DDAH1: variants seen among roughly 807,000 people sequenced by gnomAD.
DDAH1 encodes dimethylarginine dimethylaminohydrolase 1.
DDAH1 carries 19 observed loss-of-function variants against 28.8 expected under a neutral mutation model. The ratio of observed to expected loss-of-function variants is 0.66; its 90% CI spans 0.46 to 0.97. The LOEUF is 0.97. Ranked by LOEUF, DDAH1 falls within the 50% of genes least tolerant of loss-of-function variation. DDAH1 has a pLI of 0.00. For synonymous variants in DDAH1, 153 were observed against 154.4 expected, an observed-to-expected ratio of 0.99 and a Z score of 0.07; for missense variants, 326 against 375.9, an observed-to-expected ratio of 0.87 and a Z score of 1.10.
At chr1:85,454,774 G>A (rs1220932236) in intron 1 of DDAH1, among the ~76,000 whole-genome samples, 1 of 152,196 alleles carries the variant, frequency 6.6e-6, no homozygotes, top group Non-Finnish European at 1.5e-5. Flanking sequence ...CTAGTGGGTA[G>A]AGAGCAGCAA....
At chr1:85,335,011 G>A (rs1010446646) in intron 4 of DDAH1, among the ~76,000 whole-genome samples, 5 of 152,104 alleles carry the variant, frequency 3.3e-5, no homozygotes, top group Admixed American at 2.0e-4. Flanking sequence ...ATCACCAAGA[G>A]ACCAGCCCTC....
intron 2 of DDAH1, among the ~76,000 whole-genome samples, chr1:85,491,081 C>T (rs1037373003): frequency 1.9e-4 from 23 of 123,464 alleles, no homozygotes; most frequent in Non-Finnish European, 3.0e-4. Context: ...CAGTCTTGCT[C>T]TGTTGCCTAG....
At chr1:85,465,259 C>A, upstream of DDAH1, 1 of 1,067,052 alleles carries the variant, frequency 9.4e-7, no homozygotes, top group Non-Finnish European at 1.1e-6. Context: ...CGCGCCCACT[C>A]CGGCGCTCGC....
At chr1:85,574,103 T>A (rs1181408990) in intron 1 of DDAH1, among the ~76,000 whole-genome samples, 1 of 152,234 alleles carries the variant, frequency 6.6e-6, no homozygotes, top group East Asian at 1.9e-4. Flanking sequence ...CTTTTTAAAA[T>A]GAGAAAATAT....
At chr1:85,471,932 A>G (rs1272974128) in intron 2 of DDAH1, among the ~76,000 whole-genome samples, 1 of 152,156 alleles carries the variant, frequency 6.6e-6, no homozygotes, top group Admixed American at 6.5e-5. Context: ...AGGCCTCAGA[A>G]GCAGCCTCAG....
chr1:85,401,032 G>A (rs571865023), intron 1 of DDAH1, among the ~76,000 whole-genome samples: 2 of 152,278 alleles, frequency 1.3e-5, no homozygotes, highest in South Asian at 4.1e-4. Context: ...GACATTGTAG[G>A]CAAATGTCCA....
At chr1:85,339,046 C>CAAAAA (rs67167548) in intron 4 of DDAH1, among the ~76,000 whole-genome samples, 2 of 138,500 alleles carry the variant, frequency 1.4e-5, no homozygotes, top group African/African-American at 5.6e-5. Context: ...GACTCCGTCT[C>CAAAAA]AAAAAAAAAA....
chr1:85,550,259 G>A (rs1245161895), intron 1 of DDAH1, among the ~76,000 whole-genome samples: 1 of 152,134 alleles, frequency 6.6e-6, no homozygotes, highest in Non-Finnish European at 1.5e-5. Context: ...TCTTTGCTGA[G>A]ACTCTTCTAA....
At chr1:85,326,888 TA>T (rs769516926) in intron 4 of DDAH1, among the ~76,000 whole-genome samples, 17 of 152,198 alleles carry the variant, frequency 1.1e-4, no homozygotes, top group Non-Finnish European at 2.1e-4. Context: ...AAGACACTCC[TA>T]AAGATTAACT....
chr1:85,332,919 C>T (rs1168921083), intron 4 of DDAH1, among the ~76,000 whole-genome samples: 3 of 152,292 alleles, frequency 2.0e-5, no homozygotes, highest in African/African-American at 2.4e-5. Flanking sequence ...TTGCAGCCAC[C>T]GCTAATATCA....
At chr1:85,454,237 T>C (rs1346506079) in intron 1 of DDAH1, among the ~76,000 whole-genome samples, 2 of 152,182 alleles carry the variant, frequency 1.3e-5, no homozygotes, top group Non-Finnish European at 2.9e-5. Context: ...GAAGGAAAGG[T>C]AGAATCAGCT....
intron 1 of DDAH1, among the ~76,000 whole-genome samples, chr1:85,410,501 T>C (rs1322469954): frequency 6.6e-6 from 1 of 151,958 alleles, no homozygotes; most frequent in Non-Finnish European, 1.5e-5. Flanking sequence ...TAGCTGGGCA[T>C]GGTGGCACAT....
intron 1 of DDAH1, among the ~76,000 whole-genome samples, chr1:85,532,047 A>G (rs1189925132): frequency 5.3e-5 from 8 of 151,540 alleles, no homozygotes; most frequent in African/African-American, 1.9e-4. Context: ...ATTTTGGAGA[A>G]TGCAATTTGG....
At chr1:85,339,364 T>C (rs1004075337) in intron 4 of DDAH1, among the ~76,000 whole-genome samples, 3 of 152,208 alleles carry the variant, frequency 2.0e-5, no homozygotes, top group African/African-American at 7.2e-5. Flanking sequence ...TGTTGTAATC[T>C]ATCTCCAAAG....
Position 85,465,129 on chromosome 1 carries a change from C to T in DDAH1, c.-84G>A, listed in dbSNP as rs1655316188. On this transcript the variant is annotated 5_prime_UTR_variant, in exon 1 of 6. Coordinates refer to ENST00000284031, the MANE Select transcript of DDAH1 (RefSeq NM_012137.4). ...CAGCGCGCGCTGAGCCTGCGAGCGC[C>T]CGTCGGCTCCTCTTGGCAGCCGCTG... 8.5e-7 allele frequency: 1 copy of T among 1,171,706 alleles called. No homozygotes were observed. The highest frequency in any genetic ancestry group is 1.1e-6 in the Non-Finnish European group (1 of 950,166). 72.6% of individuals were successfully genotyped at this position (1,171,706 alleles called of 1,614,324 possible).
At chr1:85,330,653 G>C (rs1484736527) in intron 4 of DDAH1, among the ~76,000 whole-genome samples, 1 of 152,192 alleles carries the variant, frequency 6.6e-6, no homozygotes, top group African/African-American at 2.4e-5. Flanking sequence ...GGATTTGGGG[G>C]AAAGATCTGA....
chr1:85,538,642 C>T (rs1189606667), intron 1 of DDAH1, among the ~76,000 whole-genome samples: 3 of 151,874 alleles, frequency 2.0e-5, no homozygotes, highest in East Asian at 1.9e-4. Flanking sequence ...AAAAAAAGAA[C>T]AACTCAAAGC....
chr1:85,553,638 T>C (rs891587388), intron 1 of DDAH1, among the ~76,000 whole-genome samples: 3 of 152,136 alleles, frequency 2.0e-5, no homozygotes, highest in Non-Finnish European at 4.4e-5. Flanking sequence ...GAAGCACAAA[T>C]TGGAGGTCAG....
chr1:85,446,515 A>T (rs1654433055), intron 1 of DDAH1, among the ~76,000 whole-genome samples: 1 of 152,188 alleles, frequency 6.6e-6, no homozygotes, highest in Non-Finnish European at 1.5e-5. Context: ...GTGGGCTTTC[A>T]GGAAAAAGGA....
Sources: gnomAD v4.1 joint callset for allele counts (sites outside exome capture counted in the v4.1 genomes callset) on GRCh38, gnomAD v4.1.1 for gene constraint, MANE v1.5 for transcripts, NCBI Gene and HGNC (gene_info 2026-07-23, HGNC 2026-07-21) for gene names.